The following ANKRD6 variants were observed in gnomAD, a reference collection of about 807,000 sequenced individuals.
ANKRD6 encodes ankyrin repeat domain-containing protein 6.
Under a neutral mutation model 82.3 loss-of-function variants are expected in ANKRD6, and 56 were observed. The observed-to-expected ratio is 0.68, with a 90% CI of 0.55 to 0.85. ANKRD6 has a LOEUF of 0.85. Ranked by LOEUF, ANKRD6 falls within the 40% of genes least tolerant of loss-of-function variation. The pLI, the probability that ANKRD6 is intolerant of heterozygous loss-of-function variation, is 0.00. For synonymous variants in ANKRD6, 347 were observed against 352.1 expected (o/e 0.99, Z 0.16); for missense variants, 852 against 907.6 (o/e 0.94, Z 0.79).
At chr6:89,498,317 A>C (rs963685929) in intron 1 of ANKRD6, among the ~76,000 whole-genome samples, 4 of 152,326 alleles carry the variant, frequency 2.6e-5, no homozygotes, top group Admixed American at 2.6e-4. Flanking sequence ...CTTTGAGAAC[A>C]TGTGGCTACC....
intron 2 of ANKRD6, among the ~76,000 whole-genome samples, chr6:89,589,019 G>T (rs1472216262): frequency 7.5e-6 from 1 of 133,444 alleles, no homozygotes; most frequent in Admixed American, 7.4e-5. Context: ...AAAAAAAAAA[G>T]GTGTTCCAGG....
At position 89,629,063 on chromosome 6, in the gene ANKRD6, A is replaced by T. The variant is rs781526611; in HGVS notation, c.1486-49A>T. The T allele has an allele frequency of 3.2e-6, 5 of 1,565,836 alleles. No individual in the cohort carries two copies. The Admixed American group carries it at 9.3e-5, about 29-fold the overall frequency. The stretch of plus-strand genomic sequence containing the variant: ...AATTCATAAACCATGTATCAAATTC[A>T]CTTGATTCTTCTATGTACTTATTTG... On this transcript the variant is annotated intron_variant, in intron 14 of 15. Transcript: ENST00000339746.
At chr6:89,510,497 T>C (rs1780401961) in intron 1 of ANKRD6, among the ~76,000 whole-genome samples, 1 of 152,202 alleles carries the variant, frequency 6.6e-6, no homozygotes, top group Non-Finnish European at 1.5e-5. Context: ...GTTCTGTTTT[T>C]TGGTCCTTAT....
chr6:89,615,406 C>T lies in ANKRD6; in HGVS notation c.616-1153C>T, dbSNP rs1801310420. 2.0e-5 allele frequency among the ~76,000 whole-genome samples: 3 copies of T among 152,196 alleles called. No individual in the cohort carries two copies. The South Asian group carries it at 6.2e-4, about 31-fold the overall frequency. On this transcript the variant is annotated intron_variant, in intron 7 of 15. Transcript: ENST00000339746. Reference sequence around the variant, plus strand: ...CGGCCTCCCCAGTGGGGTGCTAGATCATCAGGTGACCCCTGCATAGCCCCC... The same window carrying T: ...CGGCCTCCCCAGTGGGGTGCTAGATTATCAGGTGACCCCTGCATAGCCCCC...
intron 1 of ANKRD6, among the ~76,000 whole-genome samples, chr6:89,555,945 C>T (rs141879093): frequency 2.4e-3 from 360 of 152,220 alleles, no homozygotes; most frequent in Non-Finnish European, 3.6e-3. Flanking sequence ...GGGAGAGTAA[C>T]GTGGCAGAAT....
Position 89,629,122 on chromosome 6 carries a change from T to C in ANKRD6, c.1496T>C (p.Val499Ala). 1 of 1,612,898 alleles carries C rather than the reference T, an allele frequency of 6.2e-7. No homozygotes were observed. The change falls in exon 15 of 16, where the codon GTG becomes GCG. Residue 499 changes from valine to alanine, a missense_variant. Transcript: ENST00000339746. ...HEGEKRQISL[V>A]DELKTWCMLK... Reference sequence around the variant, plus strand: ...GTTTTTTTTTTTAAGATATCCTTGGTGGATGAATTAAAAACCTGGTGCATG... The same window carrying C: ...GTTTTTTTTTTTAAGATATCCTTGGCGGATGAATTAAAAACCTGGTGCATG...
intron 3 of ANKRD6, among the ~76,000 whole-genome samples, chr6:89,600,232 G>A (rs1477589170): frequency 6.6e-6 from 1 of 152,218 alleles, no homozygotes; most frequent in African/African-American, 2.4e-5. Flanking sequence ...ATGAAAGCAA[G>A]TAATAAATAA....
chr6:89,549,474 A>G (rs984240987), intron 1 of ANKRD6, among the ~76,000 whole-genome samples: 7 of 146,272 alleles, frequency 4.8e-5, no homozygotes, highest in Non-Finnish European at 8.9e-5. Flanking sequence ...ATAGCTTCTC[A>G]ATCTTTGATG....
At chr6:89,578,746 C>T (rs1791752950) in intron 2 of ANKRD6, among the ~76,000 whole-genome samples, 1 of 152,182 alleles carries the variant, frequency 6.6e-6, no homozygotes, top group African/African-American at 2.4e-5. Flanking sequence ...GGTTGAAATC[C>T]TTACCACAGC....
chr6:89,598,016 T>C, intron 3 of ANKRD6: 1 of 763,340 alleles, frequency 1.3e-6, no homozygotes, highest in South Asian at 5.8e-5. Context: ...TCTCAGAAGT[T>C]ACCTGTCTTG....
chr6:89,618,990 C>T (rs1450147808), intron 9 of ANKRD6, among the ~76,000 whole-genome samples: 2 of 152,198 alleles, frequency 1.3e-5, no homozygotes, highest in Non-Finnish European at 2.9e-5. Context: ...ATTTTGAACA[C>T]AACCCTGCTG....
rs932909623 is a variant in ANKRD6, at chr6:89,504,591, G to T, written c.-143-62243G>T. On this transcript the variant is annotated intron_variant, in intron 1 of 15. Transcript: ENST00000339746. ...AAATTAAAAAAAAAAAAATTATAGC[G>T]ATGTGGCCTTGCTATATTGACCAGG... is the stretch of plus-strand genomic sequence containing the variant. Among the ~76,000 whole-genome samples the T allele has an allele frequency of 9.9e-5, 15 of 152,014 alleles. 1 individual carries two copies. The highest frequency in any genetic ancestry group is 7.4e-5 in the Non-Finnish European group (5 of 68,014).
At chr6:89,455,215 A>G (rs576962557) in intron 1 of ANKRD6, among the ~76,000 whole-genome samples, 13 of 151,684 alleles carry the variant, frequency 8.6e-5, no homozygotes, top group South Asian at 6.3e-4. Context: ...ATTGCTATAC[A>G]GAAATAGATG....
chr6:89,488,809 A>C (rs1313927889), intron 1 of ANKRD6, among the ~76,000 whole-genome samples: 1 of 152,226 alleles, frequency 6.6e-6, no homozygotes, highest in Non-Finnish European at 1.5e-5. Context: ...GTATGTACAC[A>C]TACATATATA....
intron 1 of ANKRD6, among the ~76,000 whole-genome samples, chr6:89,554,430 ATTAAC>A (rs1786287808): frequency 7.8e-6 from 1 of 128,236 alleles, no homozygotes; most frequent in African/African-American, 2.9e-5. Flanking sequence ...ACATCAACGG[ATTAAC>A]TTAATCACGT....
At chr6:89,612,391 T>A in intron 6 of ANKRD6, 21 bp downstream of exon 6, 1 of 1,528,550 alleles carries the variant, frequency 6.5e-7, no homozygotes, top group Non-Finnish European at 8.9e-7. Context: ...AAAACCAGAT[T>A]CTCACGTTCT....
chr6:89,512,191 G>A (rs1012850087), intron 1 of ANKRD6, among the ~76,000 whole-genome samples: 1 of 152,202 alleles, frequency 6.6e-6, no homozygotes, highest in Non-Finnish European at 1.5e-5. Context: ...CATGTAGATA[G>A]ACTTCCATGC....
At chr6:89,444,306 G>C (rs1056274010) in intron 1 of ANKRD6, among the ~76,000 whole-genome samples, 1 of 152,276 alleles carries the variant, frequency 6.6e-6, no homozygotes, top group Admixed American at 6.5e-5. Context: ...GATCAGTAAT[G>C]AATAACAGCA....
rs566249338 is a variant in ANKRD6 at position 89,563,593 on chromosome 6, C to G, written c.-143-3241C>G. On this transcript the variant is annotated intron_variant, in intron 1 of 15. Coordinates refer to ENST00000339746, the MANE Select transcript of ANKRD6 (RefSeq NM_001242809.2). ...GATATAAGGAGGGGATGAACTGCTA[C>G]AGCCAAGGTAGCCAACAGGTTGGCA... Among the ~76,000 whole-genome samples the G allele has an allele frequency of 4.6e-5, 7 of 152,320 alleles. No individual in the cohort carries two copies. In the East Asian group the frequency reaches 1.2e-3, roughly 25 times the overall value.
Sources: allele counts gnomAD v4.1 joint callset (sites outside exome capture counted in the v4.1 genomes callset), GRCh38; gene constraint gnomAD v4.1.1; transcripts MANE v1.5; gene names NCBI Gene and HGNC (gene_info 2026-07-23, HGNC 2026-07-21).